The following TMEM196 variants were observed in gnomAD, a reference collection of about 807,000 sequenced individuals.
The protein encoded by TMEM196 is transmembrane protein 196.
Under a neutral mutation model 20.0 loss-of-function variants are expected in TMEM196, and 17 were observed. The ratio of observed to expected loss-of-function variants is 0.85; its 90% CI spans 0.58 to 1.27. TMEM196 has a LOEUF of 1.27. Among genes scored for constraint, TMEM196 ranks in the 50% most tolerant of loss-of-function variants. The probability of loss-of-function intolerance (pLI) is 0.00; values close to 1 mark genes in which losing one functional copy is unlikely to be tolerated. For missense variants in TMEM196, 267 were observed against 223.0 expected (o/e 1.20, Z -1.26); for synonymous variants, 113 against 88.9 (o/e 1.27, Z -1.52).
Position 19,772,474 on chromosome 7 carries a change from C to A in TMEM196, c.147+76G>T. On this transcript the variant is annotated intron_variant, in intron 1 of 4. Transcript: ENST00000405844. ...TTTCCCAGGGAGGGAGTGACTAATG[C>A]GCGCACCCTGACCATCACCGTAAAG... 3 of 1,383,240 alleles carry A rather than the reference C, an allele frequency of 2.2e-6. No individual in the cohort carries two copies. In the South Asian group the frequency reaches 5.0e-5, roughly 23 times the overall value. The allele number at this position is 1,383,240 out of a possible 1,614,324, so 85.7% of individuals were successfully genotyped here.
chr7:19,722,239 C>T, intron 4 of TMEM196, 105 bp from the exon 5 acceptor site: 3 of 967,772 alleles, frequency 3.1e-6, no homozygotes, highest in Non-Finnish European at 4.7e-6. Context: ...GAAAAACTTG[C>T]TAAGTTTTGG....
In TMEM196 at chr7:19,772,567, G is replaced by A; in HGVS notation, c.130C>T (p.Leu44Phe). Residue 44 changes from leucine to phenylalanine, a missense_variant, in exon 1 of 5, where the codon CTC becomes TTC. Leu to Phe is a conservative substitution (Grantham distance 22). Transcript: ENST00000405844. ...CTCCATACCGGGGACGAGTCTCCGA[G>A]CTGCGGCTTGTGCTCTCGGAGGGCC... Reference protein sequence around the residue: ...SLALREHKPQLGDSSPFLLCG... With the variant: ...SLALREHKPQFGDSSPFLLCG... 1 of 1,545,282 alleles carries A rather than the reference G, an allele frequency of 6.5e-7. No homozygotes were observed. Among genetic ancestry groups the A allele is most frequent in the South Asian group, 1.2e-5 (1 of 83,272 alleles).
chr7:19,725,004 A>G lies in TMEM196; in HGVS notation c.459+510T>C, dbSNP rs150419436. Among the ~76,000 whole-genome samples, 8 of 152,370 alleles carry G rather than the reference A, an allele frequency of 5.3e-5. No homozygotes were observed. In the East Asian group the frequency reaches 1.5e-3, roughly 29 times the overall value. On this transcript the variant is annotated intron_variant, in intron 3 of 4. Coordinates refer to ENST00000405844, the MANE Select transcript of TMEM196 (RefSeq NM_001363562.2). ...AAGCTCTCCAAATATGCATAAGTTT[A>G]GATGAGAATTAAATGAAGCTTTATA...
chr7:19,746,214 T>C (rs946637080), intron 1 of TMEM196, among the ~76,000 whole-genome samples: 1 of 152,174 alleles, frequency 6.6e-6, no homozygotes, highest in Non-Finnish European at 1.5e-5. Context: ...TTCTAATCAA[T>C]AGAGCTGTCC....
chr7:19,724,441 G>C (rs1583413666), intron 3 of TMEM196, 88 bp from the exon 4 acceptor site: 1 of 1,199,434 alleles, frequency 8.3e-7, no homozygotes, highest in Non-Finnish European at 1.2e-6. Flanking sequence ...AAGCACAAAA[G>C]AGCCACTATT....
At chr7:19,724,580 G>A (rs1335654977) in intron 3 of TMEM196, among the ~76,000 whole-genome samples, 1 of 152,070 alleles carries the variant, frequency 6.6e-6, no homozygotes, top group Non-Finnish European at 1.5e-5. Flanking sequence ...GCTTTCTTGA[G>A]TCAATTTGAG....
At chr7:19,753,369 T>TA (rs1171876799) in intron 1 of TMEM196, among the ~76,000 whole-genome samples, 1 of 152,184 alleles carries the variant, frequency 6.6e-6, no homozygotes, top group Non-Finnish European at 1.5e-5. Flanking sequence ...AAACTCATTT[T>TA]CTTACCCCTT....
At chr7:19,770,829 CA>C (rs1785841931) in intron 1 of TMEM196, among the ~76,000 whole-genome samples, 2 of 152,204 alleles carry the variant, frequency 1.3e-5, no homozygotes, top group African/African-American at 2.4e-5. Context: ...AATATTTAAT[CA>C]TTTTTTTCTT....
At chr7:19,740,495 ACTC>A (rs1784547032) in intron 1 of TMEM196, among the ~76,000 whole-genome samples, 1 of 152,034 alleles carries the variant, frequency 6.6e-6, no homozygotes, top group African/African-American at 2.4e-5. Context: ...AAATAAGTTG[ACTC>A]CTATTTGCTC....
intron 1 of TMEM196, among the ~76,000 whole-genome samples, chr7:19,766,080 C>T (rs951522166): frequency 1.3e-5 from 2 of 152,152 alleles, no homozygotes; most frequent in Non-Finnish European, 2.9e-5. Context: ...CTGAGATTCA[C>T]AAGAACTCCA....
rs1785527014 is a variant in TMEM196, at chr7:19,763,914, A to G, written c.147+8636T>C. On this transcript the variant is annotated intron_variant, in intron 1 of 4. Transcript: ENST00000405844. ...ATTGTTCAGTGAGATAATGTAACTCAGTCAAGCCTAAACAATTAAAAAGTG... is the reference window on the plus strand; with the variant it reads ...ATTGTTCAGTGAGATAATGTAACTCGGTCAAGCCTAAACAATTAAAAAGTG... 2.0e-5 allele frequency among the ~76,000 whole-genome samples: 3 copies of G among 152,196 alleles called. No individual in the cohort carries two copies. In the South Asian group the frequency reaches 6.2e-4, roughly 31 times the overall value.
At chr7:19,766,402 C>T (rs185624014) in intron 1 of TMEM196, among the ~76,000 whole-genome samples, 13 of 151,636 alleles carry the variant, frequency 8.6e-5, no homozygotes, top group South Asian at 2.1e-4. Context: ...GCAGAGTGGC[C>T]GCAAGAAAAT....
At chr7:19,730,522 A>G (rs988225038) in intron 1 of TMEM196, among the ~76,000 whole-genome samples, 12 of 152,356 alleles carry the variant, frequency 7.9e-5, no homozygotes, top group South Asian at 2.1e-4. Flanking sequence ...TAAGAAGTCC[A>G]CTAAAGGACT....
chr7:19,755,904 C>G (rs1456408521), intron 1 of TMEM196, among the ~76,000 whole-genome samples: 1 of 152,092 alleles, frequency 6.6e-6, no homozygotes, highest in Non-Finnish European at 1.5e-5. Context: ...TGGCATATGC[C>G]TGTAATCCCA....
intron 1 of TMEM196, among the ~76,000 whole-genome samples, chr7:19,754,783 A>G (rs969858279): frequency 6.6e-6 from 1 of 152,234 alleles, no homozygotes; most frequent in Non-Finnish European, 1.5e-5. Flanking sequence ...TTCATCTTCA[A>G]AAAGAGACAG....
intron 1 of TMEM196, among the ~76,000 whole-genome samples, chr7:19,756,094 A>G (rs960015314): frequency 1.7e-4 from 26 of 152,176 alleles, no homozygotes; most frequent in Middle Eastern, 3.4e-3. Flanking sequence ...GATCAAAAAA[A>G]AAAATGTATT....
intron 1 of TMEM196, among the ~76,000 whole-genome samples, chr7:19,744,354 A>G (rs2158379): frequency 0.24 from 37,050 of 152,110 alleles, 5,776 homozygotes; most frequent in East Asian, 0.44. Context: ...ATGATTCTAC[A>G]GAGAATAAAA....
At chr7:19,762,847 C>T (rs1785488705) in intron 1 of TMEM196, among the ~76,000 whole-genome samples, 1 of 152,130 alleles carries the variant, frequency 6.6e-6, no homozygotes, top group Non-Finnish European at 1.5e-5. Flanking sequence ...ATGTTCTTCC[C>T]AAGAATTGCC....
Position 19,745,770 on chromosome 7 carries a change from A to T in TMEM196, c.148-16332T>A, listed in dbSNP as rs111275097. ...CAGTGAGCCAGTACTGGGGATGCTGAGAGGACATCAAACCTTAGGAGACAA... is the reference window on the plus strand; with the variant it reads ...CAGTGAGCCAGTACTGGGGATGCTGTGAGGACATCAAACCTTAGGAGACAA... On this transcript the variant is annotated intron_variant, in intron 1 of 4. Transcript: ENST00000405844. Among the ~76,000 whole-genome samples, 838 of 149,624 alleles carry T rather than the reference A, an allele frequency of 5.6e-3. 3 individuals are homozygous for T. The highest frequency in any genetic ancestry group is 8.6e-3 in the Non-Finnish European group (582 of 67,608).
Sources: gnomAD v4.1 joint callset for allele counts (sites outside exome capture counted in the v4.1 genomes callset) on GRCh38, gnomAD v4.1.1 for gene constraint, MANE v1.5 for transcripts, NCBI Gene and HGNC (gene_info 2026-07-23, HGNC 2026-07-21) for gene names.